The following MAST4 variants were observed in gnomAD, a reference collection of about 807,000 sequenced individuals.
MAST4 encodes microtubule-associated serine/threonine-protein kinase 4.
MAST4 carries 89 observed loss-of-function variants against 162.7 expected under a neutral mutation model. That is an observed-to-expected ratio of 0.55 (90% CI 0.46 to 0.65). The LOEUF (loss-of-function observed/expected upper bound fraction) is 0.65, where lower values mean the gene tolerates loss of function less well. MAST4 is among the 30% of genes least tolerant of loss of function. MAST4 has a pLI of 0.00. For missense variants in MAST4, 3,153 were observed against 3,374.0 expected (o/e 0.93, Z 1.62); for synonymous variants, 1,479 against 1,361.1 (o/e 1.09, Z -1.91).
chr5:67,049,525 T>C (rs1757908204), intron 4 of MAST4, among the ~76,000 whole-genome samples: 1 of 152,110 alleles, frequency 6.6e-6, no homozygotes, highest in African/African-American at 2.4e-5. Flanking sequence ...TGTGAGGAAA[T>C]AGTTAGCAGA....
At chr5:67,126,551 T>G (rs897799888) in intron 14 of MAST4, among the ~76,000 whole-genome samples, 1 of 152,198 alleles carries the variant, frequency 6.6e-6, no homozygotes, top group Non-Finnish European at 1.5e-5. Context: ...ATCAGATGGT[T>G]GTAGATATAT....
intron 4 of MAST4, among the ~76,000 whole-genome samples, chr5:66,916,034 G>T (rs1319118043): frequency 6.6e-6 from 1 of 152,192 alleles, no homozygotes; most frequent in Non-Finnish European, 1.5e-5. Flanking sequence ...TTGCAATGCG[G>T]CTAGGCCAAA....
chr5:66,974,765 T>C (rs1747912919), intron 4 of MAST4, among the ~76,000 whole-genome samples: 1 of 152,242 alleles, frequency 6.6e-6, no homozygotes, highest in African/African-American at 2.4e-5. Flanking sequence ...AAAAAATAAC[T>C]ATTTGTTCTG....
At chr5:66,996,561 C>A (rs34696) in intron 4 of MAST4, among the ~76,000 whole-genome samples, 67,276 of 152,032 alleles carry the variant, frequency 0.44, 17,811 homozygotes, top group East Asian at 0.68. Context: ...AATTTCTGTG[C>A]GCTGAAATCA....
chr5:66,788,779 G>C lies in MAST4; in HGVS notation c.627G>C (p.Ser209=), dbSNP rs2289882. ...AGGCCCTGGGCCAGTCGGCGCCCTCGCTCACCGCCAGCCTGGTGAGTGTCC... is the reference window on the plus strand; with the variant it reads ...AGGCCCTGGGCCAGTCGGCGCCCTCCCTCACCGCCAGCCTGGTGAGTGTCC... ...RSQALGQSAP[S]LTASLKELSL... The change falls in exon 3 of 29, where the codon TCG becomes TCC. Residue 209 remains serine, a synonymous_variant. Transcript: ENST00000403625. The C allele has an allele frequency of 3.7e-4, 587 of 1,593,958 alleles. 4 individuals carry two copies. In the East Asian group the frequency reaches 0.01, roughly 28 times the overall value.
intron 4 of MAST4, among the ~76,000 whole-genome samples, chr5:66,915,818 A>G (rs1445159061): frequency 3.3e-5 from 5 of 152,136 alleles, no homozygotes; most frequent in African/African-American, 4.8e-5. Flanking sequence ...TTCCTGGCTC[A>G]CCCCTTAGTG....
intron 1 of MAST4, among the ~76,000 whole-genome samples, chr5:66,641,183 G>T (rs555033942): frequency 3.2e-4 from 48 of 152,068 alleles, no homozygotes; most frequent in African/African-American, 1.0e-3. Flanking sequence ...TTGAGACAGG[G>T]TCTCTGTCAC....
At chr5:66,892,432 C>T (rs542797417) in intron 3 of MAST4, among the ~76,000 whole-genome samples, 11 of 152,314 alleles carry the variant, frequency 7.2e-5, no homozygotes, top group Non-Finnish European at 1.2e-4. Flanking sequence ...GCCATATCCA[C>T]CTTTACTAAA....
intron 4 of MAST4, chr5:66,917,126 C>T: frequency 1.5e-6 from 1 of 680,480 alleles, no homozygotes; most frequent in Admixed American, 2.2e-5. Flanking sequence ...CACTGGATGT[C>T]ACTGCCCTTA....
intron 4 of MAST4, among the ~76,000 whole-genome samples, chr5:66,982,823 G>A (rs535886610): frequency 3.4e-4 from 52 of 152,200 alleles, no homozygotes; most frequent in Admixed American, 1.9e-3. Flanking sequence ...CAATTTGTTC[G>A]AAGGAGGTTG....
intron 19 of MAST4, among the ~76,000 whole-genome samples, chr5:67,140,189 A>C (rs890398392): frequency 4.6e-5 from 7 of 152,214 alleles, no homozygotes; most frequent in Non-Finnish European, 1.0e-4. Flanking sequence ...CCATCACTGC[A>C]CTAGGAGTCC....
intron 4 of MAST4, among the ~76,000 whole-genome samples, chr5:67,052,330 G>A (rs886092563): frequency 2.2e-4 from 34 of 151,982 alleles, no homozygotes; most frequent in African/African-American, 8.2e-4. Context: ...ATTTTATTTG[G>A]GGGTTTTATT....
intron 4 of MAST4, among the ~76,000 whole-genome samples, chr5:66,954,698 C>T (rs980019247): frequency 6.6e-6 from 1 of 151,934 alleles, no homozygotes; most frequent in Non-Finnish European, 1.5e-5. Context: ...CCCAGGAGTT[C>T]AAGACAACCC....
intron 5 of MAST4, among the ~76,000 whole-genome samples, chr5:67,085,144 TCTC>T (rs1763095865): frequency 6.6e-6 from 1 of 152,158 alleles, no homozygotes; most frequent in African/African-American, 2.4e-5. Context: ...CCCTCAGTCT[TCTC>T]CATCTCAATT....
At chr5:66,729,155 T>C (rs553905686) in intron 1 of MAST4, among the ~76,000 whole-genome samples, 2 of 152,318 alleles carry the variant, frequency 1.3e-5, no homozygotes, top group East Asian at 3.9e-4. Flanking sequence ...GTGTGTGTGT[T>C]TTATGTCAGT....
At chr5:66,904,466 G>A (rs1488534013) in intron 4 of MAST4, among the ~76,000 whole-genome samples, 2 of 152,170 alleles carry the variant, frequency 1.3e-5, no homozygotes, top group Non-Finnish European at 2.9e-5. Context: ...ACTGTACTAT[G>A]TATTCTTAGC....
chr5:67,066,343 A>G (rs1410872552), intron 5 of MAST4, among the ~76,000 whole-genome samples: 1 of 151,358 alleles, frequency 6.6e-6, no homozygotes, highest in African/African-American at 2.4e-5. Flanking sequence ...AGAATTAACT[A>G]CTTAACATTT....
intron 1 of MAST4, among the ~76,000 whole-genome samples, chr5:66,728,384 A>G (rs193252903): frequency 6.6e-6 from 1 of 152,326 alleles, no homozygotes; most frequent in Admixed American, 6.5e-5. Flanking sequence ...TTCCGTAGGT[A>G]GCTTCTTAAG....
At chr5:66,639,005 A>G (rs1206189673) in intron 1 of MAST4, among the ~76,000 whole-genome samples, 2 of 152,188 alleles carry the variant, frequency 1.3e-5, no homozygotes, top group Admixed American at 6.5e-5. Context: ...AGTTTAGTGG[A>G]TGATTGGGTA....
Sources: allele counts gnomAD v4.1 joint callset (sites outside exome capture counted in the v4.1 genomes callset), GRCh38; gene constraint gnomAD v4.1.1; transcripts MANE v1.5; gene names NCBI Gene and HGNC (gene_info 2026-07-23, HGNC 2026-07-21).